KIRREL3: variants seen among roughly 807,000 people sequenced by gnomAD.
KIRREL3 encodes the protein kirre like nephrin family adhesion molecule 3.
Under a neutral mutation model 89.7 loss-of-function variants are expected in KIRREL3, and 36 were observed. That is an observed-to-expected ratio of 0.40 (90% CI 0.31 to 0.53). KIRREL3 has a LOEUF of 0.53. Ranked by LOEUF, KIRREL3 falls within the 20% of genes least tolerant of loss-of-function variation. KIRREL3 has a pLI of 0.49. For missense variants in KIRREL3, 864 were observed against 1,056.6 expected, an observed-to-expected ratio of 0.82 and a Z score of 2.53; for synonymous variants, 445 against 441.4, an observed-to-expected ratio of 1.01 and a Z score of -0.10.
At chr11:126,861,554 T>C (rs1179853353) in intron 1 of KIRREL3, among the ~76,000 whole-genome samples, 3 of 152,202 alleles carry the variant, frequency 2.0e-5, no homozygotes, top group Non-Finnish European at 4.4e-5. Flanking sequence ...TAGTGGGGAA[T>C]GGATCTGAGT....
rs1388529052 is a variant in KIRREL3, at chr11:126,424,353, C to T, written c.*227G>A. On this transcript the variant is annotated 3_prime_UTR_variant, in exon 17 of 17. Transcript: ENST00000525144. ...CAGCACTAAGCACAGCGCACTCAGC[C>T]GCAGCCTCTGTCTGTCTCCCCACCC... 1.2e-5 allele frequency: 7 copies of T among 563,412 alleles called. No individual in the cohort carries two copies. Among genetic ancestry groups the T allele is most frequent in the African/African-American group, 5.7e-5 (3 of 52,632 alleles). 34.9% of individuals were successfully genotyped at this position (563,412 alleles called of 1,614,324 possible). A position where few individuals can be genotyped will look rare whatever the true frequency, so the allele number is the denominator to read the frequency against.
chr11:126,790,130 C>T (rs1428446623), intron 1 of KIRREL3, among the ~76,000 whole-genome samples: 1 of 152,214 alleles, frequency 6.6e-6, no homozygotes, highest in Non-Finnish European at 1.5e-5. Flanking sequence ...ACTCCCCTTA[C>T]CCACTCTATT....
intron 5 of KIRREL3, among the ~76,000 whole-genome samples, chr11:126,472,945 A>AC (rs1956941481): frequency 2.9e-5 from 2 of 67,826 alleles, no homozygotes; most frequent in African/African-American, 5.6e-5. Context: ...CCTCTACCTA[A>AC]GCCCAGCCCC....
Position 126,796,270 on chromosome 11 carries a change from A to C in KIRREL3, c.55+204185T>G, listed in dbSNP as rs961736011. 2.0e-5 allele frequency among the ~76,000 whole-genome samples: 3 copies of C among 151,888 alleles called. No individual in the cohort carries two copies. Among genetic ancestry groups the C allele is most frequent in the Non-Finnish European group, 2.9e-5 (2 of 68,010 alleles). On this transcript the variant is annotated intron_variant, in intron 1 of 16. Transcript: ENST00000525144. This position sits in a 1 kb window ranked among gnomAD's most constrained non-coding sequence, Gnocchi z 5.1. ...GGTGAACAAAAAAACCAAGGACTTGACCAGATGAAAAGAGAGGGGCTCGAT... is the reference window on the plus strand; with the variant it reads ...GGTGAACAAAAAAACCAAGGACTTGCCCAGATGAAAAGAGAGGGGCTCGAT...
chr11:126,843,079 G>A lies in KIRREL3; in HGVS notation c.55+157376C>T, dbSNP rs1944018536. Among the ~76,000 whole-genome samples, 1 of 152,098 alleles carries A rather than the reference G, an allele frequency of 6.6e-6. No individual in the cohort carries two copies. Among genetic ancestry groups the A allele is most frequent in the Non-Finnish European group, 1.5e-5 (1 of 68,028 alleles). On this transcript the variant is annotated intron_variant, in intron 1 of 16. Transcript: ENST00000525144. This position sits in a 1 kb window ranked among gnomAD's most constrained non-coding sequence, Gnocchi z 4.6. ...AATCCAAAGTCAAACTGAGGGGCTG[G>A]CTCACATTTCTATATAACAGTGTCC... is the stretch of plus-strand genomic sequence containing the variant.
intron 2 of KIRREL3, among the ~76,000 whole-genome samples, chr11:126,559,811 A>G (rs1408752762): frequency 6.6e-6 from 1 of 152,010 alleles, no homozygotes; most frequent in Non-Finnish European, 1.5e-5. Flanking sequence ...CTGGGGCTAC[A>G]GGTGCGCACC....
chr11:126,810,569 T>C lies in KIRREL3; in HGVS notation c.55+189886A>G, dbSNP rs1385211130. Among the ~76,000 whole-genome samples the C allele has an allele frequency of 2.1e-4, 32 of 151,376 alleles. 1 individual carries two copies. Among genetic ancestry groups the C allele is most frequent in the Non-Finnish European group, 1.5e-5 (1 of 67,862 alleles). Reference sequence around the variant, plus strand: ...CTTGCAAACACCCCGTAAATGGGAGTATGGAACCGCAAGGAAAGACAATAA... The same window carrying C: ...CTTGCAAACACCCCGTAAATGGGAGCATGGAACCGCAAGGAAAGACAATAA... On this transcript the variant is annotated intron_variant, in intron 1 of 16. Coordinates refer to ENST00000525144, the MANE Select transcript of KIRREL3 (RefSeq NM_032531.4).
chr11:126,539,536 C>T (rs1020295038), intron 2 of KIRREL3, among the ~76,000 whole-genome samples: 1 of 152,158 alleles, frequency 6.6e-6, no homozygotes, highest in African/African-American at 2.4e-5. Context: ...GCTAACGCTG[C>T]ATCAATGGAA....
At position 126,427,627 on chromosome 11, in the gene KIRREL3, C is replaced by T. The variant is rs1418027095; in HGVS notation, c.1806+1552G>A. 6.6e-6 allele frequency among the ~76,000 whole-genome samples: 1 copy of T among 152,138 alleles called. No individual in the cohort carries two copies. The highest frequency in any genetic ancestry group is 2.4e-5 in the African/African-American group (1 of 41,418). ...AGATGTACTTGGCCGGAAAATGGAG[C>T]TGGAGAGGTTGGTGGTTGCCTGGCA... On this transcript the variant is annotated intron_variant, in intron 15 of 16. Coordinates refer to ENST00000525144, the MANE Select transcript of KIRREL3 (RefSeq NM_032531.4). The surrounding 1 kb of genome is among the most constrained non-coding windows in gnomAD (Gnocchi z 5.3).
At position 126,574,444 on chromosome 11, in the gene KIRREL3, A is replaced by G. The variant is rs1437189271; in HGVS notation, c.56-11532T>C. 1.3e-5 allele frequency among the ~76,000 whole-genome samples: 2 copies of G among 152,222 alleles called. No homozygotes were observed. Among genetic ancestry groups the G allele is most frequent in the Non-Finnish European group, 2.9e-5 (2 of 68,032 alleles). ...GGCTTTGAGTATGGAATCAACCTCA[A>G]ACAGGTCCAGGGGAGCGATTCTGAG... is the stretch of plus-strand genomic sequence containing the variant. On this transcript the variant is annotated intron_variant, in intron 1 of 16. Coordinates refer to ENST00000525144, the MANE Select transcript of KIRREL3 (RefSeq NM_032531.4). The surrounding 1 kb of genome is among the most constrained non-coding windows in gnomAD (Gnocchi z 5.3).
chr11:126,478,639 ATGTG>A lies in KIRREL3; in HGVS notation c.434-5177_434-5174del, dbSNP rs766959888. Among the ~76,000 whole-genome samples, 26 of 147,562 alleles carry A rather than the reference ATGTG, an allele frequency of 1.8e-4. 1 individual carries two copies. Among genetic ancestry groups the A allele is most frequent in the East Asian group, 1.2e-3 (6 of 5,154 alleles). On this transcript the variant is annotated intron_variant, in intron 4 of 16. Coordinates refer to ENST00000525144, the MANE Select transcript of KIRREL3 (RefSeq NM_032531.4). ...TGTGTGTATGTGTGTATGCGTGTGT[ATGTG>A]TGTATGTATGTGTATATGTATATAT...
intron 1 of KIRREL3, among the ~76,000 whole-genome samples, chr11:126,894,791 G>T (rs1286097840): frequency 6.6e-6 from 1 of 151,880 alleles, no homozygotes; most frequent in African/African-American, 2.4e-5. Flanking sequence ...TAATAAAGAG[G>T]CTCCAGATGC....
rs1208982531 is a variant in KIRREL3 at position 126,740,451 on chromosome 11, CT to C, written c.56-177540del. ...GTCTTTCTGGATATACCAGACCAGC[CT>C]TTGGTGTCACTAGGTCCTCTGACTT... On this transcript the variant is annotated intron_variant, in intron 1 of 16. Transcript: ENST00000525144. This position sits in a 1 kb window ranked among gnomAD's most constrained non-coding sequence, Gnocchi z 6.0. Among the ~76,000 whole-genome samples the C allele has an allele frequency of 6.6e-6, 1 of 152,164 alleles. No homozygotes were observed. Among genetic ancestry groups the C allele is most frequent in the Non-Finnish European group, 1.5e-5 (1 of 68,034 alleles).
chr11:126,831,434 T>TC (rs1205112611), intron 1 of KIRREL3, among the ~76,000 whole-genome samples: 11 of 79,948 alleles, frequency 1.4e-4, no homozygotes, highest in African/African-American at 3.4e-4. Flanking sequence ...TCTCTCTCTC[T>TC]TTCTCTCTCT....
chr11:126,925,809 G>A (rs1947689263), intron 1 of KIRREL3, among the ~76,000 whole-genome samples: 1 of 152,174 alleles, frequency 6.6e-6, no homozygotes, highest in Non-Finnish European at 1.5e-5. Context: ...ACCAGCCCAG[G>A]TACCGGCCTT....
rs140346259 is a variant in KIRREL3 at position 126,821,652 on chromosome 11, A to T, written c.55+178803T>A. On this transcript the variant is annotated intron_variant, in intron 1 of 16. Coordinates refer to ENST00000525144, the MANE Select transcript of KIRREL3 (RefSeq NM_032531.4). Reference sequence around the variant, plus strand: ...ATGGCAAATGGGAATTAAGTTGCAGATGAAATTGAGGTTGCTAATCAGCTG... The same window carrying T: ...ATGGCAAATGGGAATTAAGTTGCAGTTGAAATTGAGGTTGCTAATCAGCTG... 2.0e-5 allele frequency among the ~76,000 whole-genome samples: 3 copies of T among 152,138 alleles called. No homozygotes were observed. The East Asian group carries it at 5.8e-4, about 29-fold the overall frequency.
chr11:126,791,404 G>A lies in KIRREL3; in HGVS notation c.55+209051C>T, dbSNP rs1003391765. Among the ~76,000 whole-genome samples the A allele has an allele frequency of 3.3e-5, 5 of 152,244 alleles. No individual in the cohort carries two copies. Among genetic ancestry groups the A allele is most frequent in the African/African-American group, 1.2e-4 (5 of 41,456 alleles). ...GCTTCCCAGGCTTCTGCTCACGGGA[G>A]CTTCAGCTTGGCCTCAGCTTATGCG... On this transcript the variant is annotated intron_variant, in intron 1 of 16. Transcript: ENST00000525144. The surrounding 1 kb of genome is among the most constrained non-coding windows in gnomAD (Gnocchi z 4.8).
intron 1 of KIRREL3, among the ~76,000 whole-genome samples, chr11:126,822,112 C>T (rs1410830250): frequency 6.6e-6 from 1 of 152,142 alleles, no homozygotes; most frequent in African/African-American, 2.4e-5. Context: ...GATCTGTAAC[C>T]TTGGGCAAGC....
At position 126,486,109 on chromosome 11, in the gene KIRREL3, G is replaced by C. The variant is rs886925661; in HGVS notation, c.434-12643C>G. Among the ~76,000 whole-genome samples, 3 of 152,220 alleles carry C rather than the reference G, an allele frequency of 2.0e-5. No individual in the cohort carries two copies. The highest frequency in any genetic ancestry group is 7.2e-5 in the African/African-American group (3 of 41,456). On this transcript the variant is annotated intron_variant, in intron 4 of 16. Coordinates refer to ENST00000525144, the MANE Select transcript of KIRREL3 (RefSeq NM_032531.4). This position sits in a 1 kb window ranked among gnomAD's most constrained non-coding sequence, Gnocchi z 6.2. ...TCATTAATAATGAGTAGGGATGTAA[G>C]TCTCAGGCTGTATGCAGAGTGGAGG...
Sources: allele counts gnomAD v4.1 joint callset (sites outside exome capture counted in the v4.1 genomes callset), GRCh38; gene constraint gnomAD v4.1.1; non-coding constraint Gnocchi (gnomAD v3.1); transcripts MANE v1.5; gene names NCBI Gene and HGNC (gene_info 2026-07-23, HGNC 2026-07-21).